Variants in AKNAD1 observed in about 807,000 individuals in gnomAD.
AKNAD1 encodes the protein AKNA domain containing 1.
Under a neutral mutation model 90.8 loss-of-function variants are expected in AKNAD1, and 67 were observed. The ratio of observed to expected loss-of-function variants is 0.74; its 90% CI spans 0.61 to 0.90. The LOEUF is 0.90. Ranked by LOEUF, AKNAD1 falls within the 40% of genes least tolerant of loss-of-function variation. AKNAD1 has a pLI of 0.00. For synonymous variants in AKNAD1, 327 were observed against 341.4 expected (o/e 0.96, Z 0.46); for missense variants, 957 against 975.4 (o/e 0.98, Z 0.25).
intron 5 of AKNAD1, among the ~76,000 whole-genome samples, chr1:108,847,315 G>A (rs1038569861): frequency 3.9e-5 from 6 of 152,010 alleles, no homozygotes; most frequent in Admixed American, 1.3e-4. Flanking sequence ...AGGCACGGTG[G>A]TGCACACCTG....
At chr1:108,845,101 G>A (rs1204012601) in intron 5 of AKNAD1, among the ~76,000 whole-genome samples, 1 of 152,190 alleles carries the variant, frequency 6.6e-6, no homozygotes, top group Non-Finnish European at 1.5e-5. Context: ...TTACAGGCAT[G>A]AGCCACCACT....
At chr1:108,854,540 G>C (rs1664976975) in intron 1 of AKNAD1, among the ~76,000 whole-genome samples, 1 of 152,208 alleles carries the variant, frequency 6.6e-6, no homozygotes, top group Non-Finnish European at 1.5e-5. Flanking sequence ...ACTAAATGTG[G>C]TAAAAGCATC....
Position 108,817,058 on chromosome 1 carries a change from A to G in AKNAD1, c.2369T>C (p.Ile790Thr), listed in dbSNP as rs758867164. Residue 790 changes from isoleucine to threonine, a missense_variant, in exon 15 of 16, where the codon ATA becomes ACA. Physicochemically the swap from Ile to Thr is moderately conservative, Grantham distance 89. Coordinates refer to ENST00000370001, the MANE Select transcript of AKNAD1 (RefSeq NM_152763.5). ...SLCDFDSTEE[I>T]KSEILNSALD... ...TTTCTAAGTCCTCACCTCAGATTTT[A>G]TTTCTTCAGTGCTATCAAAGTCACA... 3.7e-6 allele frequency: 6 copies of G among 1,613,922 alleles called. No homozygotes were observed. In the South Asian group the frequency reaches 6.6e-5, roughly 18 times the overall value.
At chr1:108,842,419 A>T (rs921731624) in intron 6 of AKNAD1, among the ~76,000 whole-genome samples, 12 of 152,234 alleles carry the variant, frequency 7.9e-5, no homozygotes, top group Admixed American at 3.3e-4. Context: ...AATACAGCTT[A>T]AAATTATCTG....
Position 108,852,315 on chromosome 1 carries a change from AGAT to A in AKNAD1, c.347_349del (p.His116del). 6.2e-7 allele frequency: 1 copy of A among 1,614,210 alleles called. No individual in the cohort carries two copies. Among genetic ancestry groups the A allele is most frequent in the Non-Finnish European group, 8.5e-7 (1 of 1,180,042 alleles). On this transcript the variant is annotated inframe_deletion, in exon 2 of 16. Transcript: ENST00000370001. ...ACCTCTTAAGAATGGCTCTTTGGAA[AGAT>A]GATGAAGTAAAATATCAGAAATGCT...
intron 1 of AKNAD1, 130 bp from the exon 2 acceptor site, chr1:108,852,897 C>T: frequency 1.7e-5 from 6 of 362,138 alleles, no homozygotes; most frequent in South Asian, 1.4e-4. Context: ...AGCTCAACCA[C>T]AAGCTGACCC....
intron 6 of AKNAD1, among the ~76,000 whole-genome samples, chr1:108,840,378 C>CA (rs998118060): frequency 6.6e-5 from 10 of 152,000 alleles, no homozygotes; most frequent in African/African-American, 2.2e-4. Flanking sequence ...ATAAACCTAA[C>CA]AAAAAAATGT....
intron 1 of AKNAD1, among the ~76,000 whole-genome samples, chr1:108,856,540 G>GA (rs71069609): frequency 3.2e-4 from 47 of 149,178 alleles, no homozygotes; most frequent in Middle Eastern, 3.4e-3. Flanking sequence ...TCTCTACAAA[G>GA]AAAAAAAAAA....
chr1:108,818,926 T>C (rs1461235060), intron 14 of AKNAD1, among the ~76,000 whole-genome samples: 5 of 143,552 alleles, frequency 3.5e-5, no homozygotes, highest in Non-Finnish European at 4.5e-5. Flanking sequence ...ATCGTGCCAC[T>C]TCACTCCAGC....
At chr1:108,824,862 G>A (rs753750732) in intron 11 of AKNAD1, among the ~76,000 whole-genome samples, 2 of 151,594 alleles carry the variant, frequency 1.3e-5, no homozygotes, top group Non-Finnish European at 2.9e-5. Context: ...TTAAAATGTA[G>A]AGCCTAATTC....
intron 6 of AKNAD1, among the ~76,000 whole-genome samples, chr1:108,842,774 A>C (rs943002358): frequency 6.6e-6 from 1 of 152,128 alleles, no homozygotes; most frequent in African/African-American, 2.4e-5. Flanking sequence ...ACTTGAGAAG[A>C]GGGCCCTCTG....
chr1:108,830,705 G>A (rs1011365440), intron 9 of AKNAD1, 55 bp from the exon 10 acceptor site: 254 of 1,557,784 alleles, frequency 1.6e-4, no homozygotes, highest in Non-Finnish European at 2.0e-4. Flanking sequence ...CTCACGCCGC[G>A]GCTGCACACG....
At position 108,849,010 on chromosome 1, in the gene AKNAD1, C is replaced by T; in HGVS notation, c.1084G>A (p.Gly362Ser). 6.2e-7 allele frequency: 1 copy of T among 1,610,714 alleles called. No individual in the cohort carries two copies. Among genetic ancestry groups the T allele is most frequent in the Non-Finnish European group, 8.5e-7 (1 of 1,179,230 alleles). ...LSKLSPTSQK[G>S]TSSSSSYIFQ... is the part of the protein sequence containing the mutation. Reference sequence around the variant, plus strand: ...ATGTAAGAAGAACTTGAGGAAGTGCCTTTCTGAGAGGTTGGTGACAACTTA... The same window carrying T: ...ATGTAAGAAGAACTTGAGGAAGTGCTTTTCTGAGAGGTTGGTGACAACTTA... Residue 362 changes from glycine to serine, a missense_variant, in exon 4 of 16, where the codon GGC becomes AGC. Gly to Ser is a moderately conservative substitution (Grantham distance 56). Coordinates refer to ENST00000370001, the MANE Select transcript of AKNAD1 (RefSeq NM_152763.5).
rs916530222 is a variant in AKNAD1, at chr1:108,851,735, G to C, written c.930C>G (p.Asn310Lys). ...GCTCTTGATGTTGTTTTTCAACACA[G>C]TTTGACTCAGGCGTGGTTTCTAGAC... ...QDSLETTPES[N>K]CVEKQHQEQK... Residue 310 changes from asparagine (N) to lysine (K), a missense_variant, in exon 2 of 16, where the codon AAC becomes AAG. Asn to Lys is a moderately conservative substitution (Grantham distance 94). Transcript: ENST00000370001. 3.1e-6 allele frequency: 5 copies of C among 1,607,870 alleles called. No individual in the cohort carries two copies. Among genetic ancestry groups the C allele is most frequent in the Non-Finnish European group, 4.2e-6 (5 of 1,178,442 alleles).
Position 108,816,057 on chromosome 1 carries a change from T to C in AKNAD1, c.*114A>G. The C allele has an allele frequency of 8.6e-7, 1 of 1,168,816 alleles. No individual in the cohort carries two copies. 72.4% of individuals were successfully genotyped at this position (1,168,816 alleles called of 1,614,324 possible). ...TTACCCATTTCTTATGGTTTCTGTG[T>C]TTTCTCTAGAAAGTCATCTTCCTAA... On this transcript the variant is annotated 3_prime_UTR_variant, in exon 16 of 16. Transcript: ENST00000370001.
upstream of AKNAD1, chr1:108,857,506 G>C (rs1665083134): frequency 1.3e-5 from 2 of 152,670 alleles, no homozygotes; most frequent in South Asian, 4.1e-4. Context: ...CGGCTGGTAG[G>C]TGACATTTCT....
At chr1:108,845,304 T>A (rs1302481977) in intron 5 of AKNAD1, among the ~76,000 whole-genome samples, 1 of 152,142 alleles carries the variant, frequency 6.6e-6, no homozygotes, top group African/African-American at 2.4e-5. Context: ...TTGGTTTTAG[T>A]CGATGGAAGG....
At chr1:108,819,270 A>G (rs914388948) in intron 14 of AKNAD1, among the ~76,000 whole-genome samples, 1 of 151,894 alleles carries the variant, frequency 6.6e-6, no homozygotes, top group African/African-American at 2.4e-5. Flanking sequence ...CTCCTTCAGT[A>G]GCTAGACTGA....
intron 2 of AKNAD1, among the ~76,000 whole-genome samples, chr1:108,850,260 A>G (rs1267721344): frequency 6.6e-6 from 1 of 152,208 alleles, no homozygotes; most frequent in African/African-American, 2.4e-5. Context: ...GTCTTTCTAG[A>G]CATCTCAACT....
Sources: gnomAD v4.1 joint callset for allele counts (sites outside exome capture counted in the v4.1 genomes callset) on GRCh38, gnomAD v4.1.1 for gene constraint, MANE v1.5 for transcripts, NCBI Gene and HGNC (gene_info 2026-07-23, HGNC 2026-07-21) for gene names.